The following DNAJB7 variants were observed in gnomAD, a reference collection of about 807,000 sequenced individuals.
DNAJB7 encodes DnaJ heat shock protein family (Hsp40) member B7, also known as dnaJ homolog subfamily B member 7.
DNAJB7 carries 1 observed loss-of-function variant against 1.2 expected under a neutral mutation model. That is an observed-to-expected ratio of 0.84 (90% confidence interval 0.30 to 4.01). The LOEUF (loss-of-function observed/expected upper bound fraction) is 4.01, where lower values mean the gene tolerates loss of function less well. Ranked by LOEUF, DNAJB7 falls within the 30% of genes most tolerant of loss-of-function variation. The pLI is 0.18. For missense variants in DNAJB7, 420 were observed against 358.5 expected, an observed-to-expected ratio of 1.17 and a Z score of -1.39; for synonymous variants, 128 against 127.7, an observed-to-expected ratio of 1.00 and a Z score of -0.01.
rs1413017123 is a variant in DNAJB7 at position 40,861,415 on chromosome 22, C to T, written c.580G>A (p.Val194Ile). 8 of 1,613,674 alleles carry T rather than the reference C, an allele frequency of 5.0e-6. No individual in the cohort carries two copies. Among genetic ancestry groups the T allele is most frequent in the East Asian group, 2.2e-5 (1 of 44,876 alleles). ...TTTGTATTAATATTTCTGCCATTAA[C>T]GATTTTGTCTGAAGTTGTAACAGAT... ...YISVTTSDKI[V>I]NGRNINTKKI... is the part of the protein sequence containing the mutation. The change falls in exon 1 of 1, where the codon GTT (valine) becomes ATT (isoleucine). Residue 194 changes from valine to isoleucine, a missense_variant. Coordinates refer to ENST00000307221, the MANE Select transcript of DNAJB7 (RefSeq NM_145174.2).
rs2057953085 is a variant in DNAJB7 at position 40,862,026 on chromosome 22, G to A, written c.-32C>T. ...ACAGATAGTTGGAAGTGGGTGTGCT[G>A]GGTATTGAGAACCGTGGTTTCCTCA... On this transcript the variant is annotated 5_prime_UTR_variant, in exon 1 of 1. Transcript: ENST00000307221. 6.4e-7 allele frequency: 1 copy of A among 1,552,908 alleles called. No individual in the cohort carries two copies. The highest frequency in any genetic ancestry group is 1.4e-5 in the African/African-American group (1 of 72,540).
At position 40,861,762 on chromosome 22, in the gene DNAJB7, C is replaced by G; in HGVS notation, c.233G>C (p.Ser78Thr). 1.9e-6 allele frequency: 3 copies of G among 1,613,430 alleles called. No individual in the cohort carries two copies. Among genetic ancestry groups the G allele is most frequent in the Non-Finnish European group, 2.5e-6 (3 of 1,179,820 alleles). Residue 78 changes from serine (S) to threonine (T), a missense_variant, in exon 1 of 1, where the codon AGT becomes ACT. By Grantham distance (58) the Ser-to-Thr change is moderately conservative (BLOSUM62 1). Transcript: ENST00000307221. ...YGTEGLNGGGSHFDDECEYGF... is the reference protein window; with the variant it reads ...YGTEGLNGGGTHFDDECEYGF... ...GTACTCACATTCATCATCAAAATGA[C>G]TTCCACCTCCGTTTAATCCTTCTGT...
Position 40,861,898 on chromosome 22 carries a change from C to G in DNAJB7, c.97G>C (p.Asp33His). ...YHKVALKWHPDKNPENKEEAE... is the reference protein window; with the variant it reads ...YHKVALKWHPHKNPENKEEAE... ...TCTTCTTTATTTTCTGGATTTTTAT[C>G]AGGGTGCCATTTAAGTGCCACTTTA... The change falls in exon 1 of 1, where the codon GAT becomes CAT. Residue 33 changes from aspartate to histidine, a missense_variant. Transcript: ENST00000307221. The G allele has an allele frequency of 6.2e-7, 1 of 1,613,900 alleles. No individual in the cohort carries two copies. The highest frequency in any genetic ancestry group is 8.5e-7 in the Non-Finnish European group (1 of 1,179,984).
At position 40,861,462 on chromosome 22, in the gene DNAJB7, T is replaced by C; in HGVS notation, c.533A>G (p.Asn178Ser). ...AGATATGTAGTTGTCCATCCCACTA[T>C]TATCAAAAGCCAGGGAAGAGAAAGA... ...LTSFSSLAFD[N>S]SGMDNYISVT... Residue 178 changes from asparagine (N) to serine (S), a missense_variant, in exon 1 of 1, where the codon AAT (asparagine) becomes AGT (serine). Physicochemically the swap from Asn to Ser is conservative, Grantham distance 46. Transcript: ENST00000307221. 2 of 1,614,186 alleles carry C rather than the reference T, an allele frequency of 1.2e-6. No homozygotes were observed. Among genetic ancestry groups the C allele is most frequent in the Non-Finnish European group, 8.5e-7 (1 of 1,180,028 alleles).
rs1158272612 is a variant in DNAJB7, at chr22:40,859,919, A to G, written c.*1146T>C. 2 of 152,206 alleles carry G rather than the reference A, an allele frequency of 1.3e-5. No individual in the cohort carries two copies. Among genetic ancestry groups the G allele is most frequent in the Non-Finnish European group, 1.5e-5 (1 of 68,040 alleles). The allele number at this position is 152,206 out of a possible 1,614,324, so 9.4% of individuals were successfully genotyped here. ...TAATGTATTTGTAGATTTTGTGTAC[A>G]AACTCTAAACAAAAATAGAAAATTT... On this transcript the variant is annotated 3_prime_UTR_variant, in exon 1 of 1. Coordinates refer to ENST00000307221, the MANE Select transcript of DNAJB7 (RefSeq NM_145174.2).
Position 40,861,083 on chromosome 22 carries a change from A to G in DNAJB7, c.912T>C (p.Ser304=), listed in dbSNP as rs2057941847. ...AGTCAATTTAACAATTCCTTTTGGT[A>G]GACTTCTTTTGCACCTCTTTACGCT... ...KKKRKEVQKK[S]TKRNC Residue 304 remains serine (S), a synonymous_variant, in exon 1 of 1, where the codon TCT becomes TCC. Transcript: ENST00000307221. 6.3e-7 allele frequency: 1 copy of G among 1,590,046 alleles called. No homozygotes were observed. Among genetic ancestry groups the G allele is most frequent in the Non-Finnish European group, 8.5e-7 (1 of 1,170,854 alleles).
the DNAJB7 span, chr22:40,861,289 C>CT: frequency 6.2e-7 from 1 of 1,614,142 alleles, no homozygotes; most frequent in South Asian, 1.1e-5. Flanking sequence ...CAGCTGCATT[C>CT]TTTTGCAAAG....
Position 40,862,067 on chromosome 22 carries a change from G to A in DNAJB7, c.-73C>T. Reference sequence around the variant, plus strand: ...GGTTTCCTCAGCTCAGGCTCTGCTGGTGGTGGTGATAGAGGTAGTGACTGC... The same window carrying A: ...GGTTTCCTCAGCTCAGGCTCTGCTGATGGTGGTGATAGAGGTAGTGACTGC... On this transcript the variant is annotated 5_prime_UTR_variant, in exon 1 of 1. Coordinates refer to ENST00000307221, the MANE Select transcript of DNAJB7 (RefSeq NM_145174.2). 1.3e-6 allele frequency: 2 copies of A among 1,524,526 alleles called. No homozygotes were observed. The allele number at this position is 1,524,526 out of a possible 1,614,324, so 94.4% of individuals were successfully genotyped here.
At chr22:40,861,688 C>A in the DNAJB7 span, 1 of 1,614,112 alleles carries the variant, frequency 6.2e-7, no homozygotes, top group South Asian at 1.1e-5. Flanking sequence ...GGATCCCTTT[C>A]ATGAAAAATT....
chr22:40,861,736 C>G lies in DNAJB7; in HGVS notation c.259G>C (p.Gly87Arg). ...TCATCTGGCTTATGGAATGTGAAGCCGTACTCACATTCATCATCAAAATGA... is the reference window on the plus strand; with the variant it reads ...TCATCTGGCTTATGGAATGTGAAGCGGTACTCACATTCATCATCAAAATGA... ...GSHFDDECEY[G>R]FTFHKPDDVF... is the part of the protein sequence containing the mutation. Residue 87 changes from glycine (G) to arginine (R), a missense_variant, in exon 1 of 1, where the codon GGC becomes CGC. Gly to Arg is a moderately radical substitution (Grantham distance 125). Transcript: ENST00000307221. The G allele has an allele frequency of 6.2e-7, 1 of 1,613,690 alleles. No individual in the cohort carries two copies. The highest frequency in any genetic ancestry group is 8.5e-7 in the Non-Finnish European group (1 of 1,179,928).
Position 40,860,438 on chromosome 22 carries a change from T to G in DNAJB7, c.*627A>C, listed in dbSNP as rs1380031059. 1 of 332,304 alleles carries G rather than the reference T, an allele frequency of 3.0e-6. No individual in the cohort carries two copies. Among genetic ancestry groups the G allele is most frequent in the East Asian group, 5.1e-5 (1 of 19,762 alleles). 20.6% of individuals were successfully genotyped at this position (332,304 alleles called of 1,614,324 possible). A position where few individuals can be genotyped will look rare whatever the true frequency, so the allele number is the denominator to read the frequency against. On this transcript the variant is annotated 3_prime_UTR_variant, in exon 1 of 1. Transcript: ENST00000307221. Reference sequence around the variant, plus strand: ...ATTTTTAATTTGTAGTACCTTTAAGTTATAATGCATCAAATGCTGTTCCTC... The same window carrying G: ...ATTTTTAATTTGTAGTACCTTTAAGGTATAATGCATCAAATGCTGTTCCTC...
chr22:40,861,868 C>A, the DNAJB7 span: 8 of 1,613,870 alleles, frequency 5.0e-6, no homozygotes, highest in Non-Finnish European at 6.8e-6. Flanking sequence ...AATTTTCTCT[C>A]TGCTTCTTCT....
In DNAJB7 at chr22:40,861,533, A is replaced by G; in HGVS notation, c.462T>C (p.Asp154=). Residue 154 remains aspartate, a synonymous_variant, in exon 1 of 1, where the codon GAT becomes GAC. Coordinates refer to ENST00000307221, the MANE Select transcript of DNAJB7 (RefSeq NM_145174.2). The part of the protein sequence containing the change: ...YPIFEKFSSY[D]TGYTSQGSLG... ...ATGAACCCTGTGATGTATATCCTGT[A>G]TCATATGAAGAAAATTTCTCAAAAA... 1 of 1,613,800 alleles carries G rather than the reference A, an allele frequency of 6.2e-7. No individual in the cohort carries two copies. The highest frequency in any genetic ancestry group is 1.1e-5 in the South Asian group (1 of 90,910).
rs1569011823 is a variant in DNAJB7 at position 40,861,199 on chromosome 22, CATT to C, written c.793_795del (p.Asn265del). 1.2e-6 allele frequency: 2 copies of C among 1,614,112 alleles called. No homozygotes were observed. The highest frequency in any genetic ancestry group is 4.5e-5 in the East Asian group (2 of 44,870). ...GTAACCCAAGATATACCTCCCTCAT[CATT>C]GTCCACGAAAGTATATTGAGATACA... On this transcript the variant is annotated inframe_deletion, in exon 1 of 1. Coordinates refer to ENST00000307221, the MANE Select transcript of DNAJB7 (RefSeq NM_145174.2).
chr22:40,861,080 G>T lies in DNAJB7; in HGVS notation c.915C>A (p.Thr305=). The change falls in exon 1 of 1, where the codon ACC becomes ACA. Residue 305 remains threonine (T), a synonymous_variant. Transcript: ENST00000307221. The part of the protein sequence containing the change: ...KKRKEVQKKS[T]KRNC Reference sequence around the variant, plus strand: ...AAGAGTCAATTTAACAATTCCTTTTGGTAGACTTCTTTTGCACCTCTTTAC... The same window carrying T: ...AAGAGTCAATTTAACAATTCCTTTTTGTAGACTTCTTTTGCACCTCTTTAC... 6.3e-7 allele frequency: 1 copy of T among 1,588,902 alleles called. No homozygotes were observed. Among genetic ancestry groups the T allele is most frequent in the South Asian group, 1.2e-5 (1 of 86,518 alleles).
chr22:40,861,278 C>T, the DNAJB7 span: 2 of 1,613,986 alleles, frequency 1.2e-6, no homozygotes, highest in African/African-American at 2.7e-5. Context: ...ACTGTGTTCT[C>T]CAGCTGCATT....
Position 40,860,825 on chromosome 22 carries a change from A to T in DNAJB7, c.*240T>A. 2 of 640,632 alleles carry T rather than the reference A, an allele frequency of 3.1e-6. No individual in the cohort carries two copies. 39.7% of individuals were successfully genotyped at this position (640,632 alleles called of 1,614,324 possible). A position where few individuals can be genotyped will look rare whatever the true frequency, so the allele number is the denominator to read the frequency against. On this transcript the variant is annotated 3_prime_UTR_variant, in exon 1 of 1. Transcript: ENST00000307221. ...ACCACCACACTTGGCTAATTTTTAA[A>T]TTTTTTGTAGAGAAAAGATCTCACT...
In DNAJB7 at chr22:40,861,490, T is replaced by A; in HGVS notation, c.505A>T (p.Thr169Ser). The A allele has an allele frequency of 6.2e-7, 1 of 1,614,070 alleles. No individual in the cohort carries two copies. Among genetic ancestry groups the A allele is most frequent in the Non-Finnish European group, 8.5e-7 (1 of 1,179,990 alleles). ...TCAAAAGCCAGGGAAGAGAAAGAAG[T>A]AAGGCCTTCATGCCCCAATGAACCC... Reference protein sequence around the residue: ...SQGSLGHEGLTSFSSLAFDNS... With the variant: ...SQGSLGHEGLSSFSSLAFDNS... Residue 169 changes from threonine to serine, a missense_variant, in exon 1 of 1, where the codon ACT becomes TCT. Thr to Ser is a moderately conservative substitution (Grantham distance 58, BLOSUM62 1). Transcript: ENST00000307221.
rs2057929228 is a variant in DNAJB7, at chr22:40,859,627, AGAATAAATAACCTTTC to A, written c.*1422_*1437del. The A allele has an allele frequency of 6.6e-6, 1 of 152,226 alleles. No individual in the cohort carries two copies. The highest frequency in any genetic ancestry group is 2.4e-5 in the African/African-American group (1 of 41,456). 9.4% of individuals were successfully genotyped at this position (152,226 alleles called of 1,614,324 possible). On this transcript the variant is annotated 3_prime_UTR_variant, in exon 1 of 1. Coordinates refer to ENST00000307221, the MANE Select transcript of DNAJB7 (RefSeq NM_145174.2). ...ACTAATTGTCCGCAGTCTCTTCTAT[AGAATAAATAACCTTTC>A]CTTCTCCCATCTGCCCACTAAAAAT... is the stretch of plus-strand genomic sequence containing the variant.
Sources: gnomAD v4.1 joint callset for allele counts on GRCh38, gnomAD v4.1.1 for gene constraint, MANE v1.5 for transcripts, NCBI Gene and HGNC (gene_info 2026-07-23, HGNC 2026-07-21) for gene names.